Variants in NR3C2 observed in about 807,000 individuals in gnomAD.
NR3C2 encodes mineralocorticoid receptor.
Under a neutral mutation model 86.4 loss-of-function variants are expected in NR3C2, and 15 were observed. The ratio of observed to expected loss-of-function variants is 0.17; its 90% confidence interval spans 0.12 to 0.27. The LOEUF (loss-of-function observed/expected upper bound fraction) is 0.27, where lower values mean the gene tolerates loss of function less well. NR3C2 is among the 10% of genes least tolerant of loss of function. The pLI, the probability that NR3C2 is intolerant of heterozygous loss-of-function variation, is 1.00. For missense variants in NR3C2, 960 were observed against 1,195.6 expected (o/e 0.80, Z 2.91); for synonymous variants, 458 against 450.5 (o/e 1.02, Z -0.21).
chr4:148,411,661 CT>C (rs1198456211), intron 2 of NR3C2, among the ~76,000 whole-genome samples: 1 of 152,180 alleles, frequency 6.6e-6, no homozygotes, highest in Non-Finnish European at 1.5e-5. Flanking sequence ...ATCCTTAAAC[CT>C]TCTGGACAGT....
chr4:148,399,671 T>G (rs1197934301), intron 2 of NR3C2, among the ~76,000 whole-genome samples: 2 of 129,770 alleles, frequency 1.5e-5, no homozygotes, highest in African/African-American at 2.8e-5. Context: ...CGACAAAGTT[T>G]CTATATATAC....
intron 2 of NR3C2, among the ~76,000 whole-genome samples, chr4:148,385,324 C>T (rs1747206769): frequency 6.6e-6 from 1 of 152,232 alleles, no homozygotes; most frequent in African/African-American, 2.4e-5. Flanking sequence ...ACAAGACCTT[C>T]AAGGTCAACC....
At chr4:148,240,882 G>C (rs893436469) in intron 3 of NR3C2, among the ~76,000 whole-genome samples, 2 of 152,188 alleles carry the variant, frequency 1.3e-5, no homozygotes, top group Non-Finnish European at 2.9e-5. Flanking sequence ...TAAGTGCTGT[G>C]CCTGGCCACG....
chr4:148,201,614 T>C (rs1198934833), intron 3 of NR3C2, among the ~76,000 whole-genome samples: 1 of 151,868 alleles, frequency 6.6e-6, no homozygotes, highest in Non-Finnish European at 1.5e-5. Flanking sequence ...CTATAGACAG[T>C]AGTCAGCATG....
chr4:148,118,367 T>G (rs1177535719), intron 7 of NR3C2, among the ~76,000 whole-genome samples: 1 of 152,138 alleles, frequency 6.6e-6, no homozygotes. Context: ...GTTAGTCACA[T>G]GCCTTTTGAA....
intron 4 of NR3C2, among the ~76,000 whole-genome samples, chr4:148,186,769 A>C (rs1735915690): frequency 2.2e-5 from 3 of 138,478 alleles, no homozygotes; most frequent in South Asian, 2.4e-4. Context: ...CCCCCCTCCC[A>C]CTCTTCCCCC....
chr4:148,361,828 T>TTTGTGGTTGTTG (rs2150004346), intron 2 of NR3C2, among the ~76,000 whole-genome samples: 2 of 151,998 alleles, frequency 1.3e-5, no homozygotes, highest in African/African-American at 4.8e-5. Context: ...ACCCTAAAGT[T>TTTGTGGTTGTTG]TTGTTGTTAT....
intron 7 of NR3C2, among the ~76,000 whole-genome samples, chr4:148,115,844 C>T (rs1396910545): frequency 6.6e-6 from 1 of 152,082 alleles, no homozygotes; most frequent in Non-Finnish European, 1.5e-5. Context: ...AAATATTTGA[C>T]ATTCATATTA....
At position 148,106,903 on chromosome 4, in the gene NR3C2, A is replaced by T. The variant is rs1046949716; in HGVS notation, c.2799+7201T>A. 2.0e-5 allele frequency among the ~76,000 whole-genome samples: 3 copies of T among 152,332 alleles called. No individual in the cohort carries two copies. In the South Asian group the frequency reaches 6.2e-4, roughly 32 times the overall value. On this transcript the variant is annotated intron_variant, in intron 8 of 8. Coordinates refer to ENST00000358102, the MANE Select transcript of NR3C2 (RefSeq NM_000901.5). ...TAAACGTAAAACCTAAAACCATAAA[A>T]ACCCTAGAAGAAAACCTAGGCAATA...
chr4:148,108,652 A>T (rs1731912317), intron 8 of NR3C2, among the ~76,000 whole-genome samples: 1 of 152,118 alleles, frequency 6.6e-6, no homozygotes, highest in Non-Finnish European at 1.5e-5. Flanking sequence ...TGTCGTGCAG[A>T]GAAGAGCATC....
chr4:148,259,896 A>G (rs1466391574), intron 3 of NR3C2, 82 bp downstream of exon 3: 19 of 1,522,224 alleles, frequency 1.2e-5, no homozygotes, highest in Non-Finnish European at 1.7e-5. Context: ...AAGAATTCCC[A>G]ATAATGCTAT....
intron 2 of NR3C2, among the ~76,000 whole-genome samples, chr4:148,430,551 T>C (rs575685198): frequency 2.0e-5 from 3 of 152,148 alleles, no homozygotes; most frequent in Non-Finnish European, 4.4e-5. Context: ...CTAGGTACAT[T>C]AGCAATTTCA....
At chr4:148,353,239 A>G (rs1745385625) in intron 2 of NR3C2, among the ~76,000 whole-genome samples, 1 of 152,094 alleles carries the variant, frequency 6.6e-6, no homozygotes. Flanking sequence ...AAAACCCTAC[A>G]GTTAAATTAA....
intron 2 of NR3C2, among the ~76,000 whole-genome samples, chr4:148,269,970 T>G (rs1247695416): frequency 1.3e-5 from 2 of 152,286 alleles, no homozygotes; most frequent in Non-Finnish European, 2.9e-5. Flanking sequence ...TACATTAAGA[T>G]ACAGACTTAG....
chr4:148,426,739 CA>C (rs777261460), intron 2 of NR3C2, among the ~76,000 whole-genome samples: 6 of 152,122 alleles, frequency 3.9e-5, no homozygotes, highest in Non-Finnish European at 1.5e-5. Flanking sequence ...CTTTTAACAG[CA>C]AAAACCACAA....
chr4:148,241,810 T>C (rs888907835), intron 3 of NR3C2, among the ~76,000 whole-genome samples: 8 of 152,222 alleles, frequency 5.3e-5, no homozygotes, highest in Admixed American at 2.0e-4. Flanking sequence ...TTCATGATTA[T>C]GTGAATAAAT....
chr4:148,147,886 C>G (rs1303251821), intron 6 of NR3C2, among the ~76,000 whole-genome samples: 1 of 152,196 alleles, frequency 6.6e-6, no homozygotes, highest in Non-Finnish European at 1.5e-5. Flanking sequence ...TCACACCTCA[C>G]TGGGATCACA....
At chr4:148,161,609 G>A (rs1032941770) in intron 4 of NR3C2, among the ~76,000 whole-genome samples, 1 of 152,048 alleles carries the variant, frequency 6.6e-6, no homozygotes, top group Admixed American at 6.6e-5. Context: ...GTCTGCCTTG[G>A]CCTCATATAT....
chr4:148,276,916 G>C (rs1740989226), intron 2 of NR3C2, among the ~76,000 whole-genome samples: 1 of 152,166 alleles, frequency 6.6e-6, no homozygotes, highest in African/African-American at 2.4e-5. Context: ...ATTGACAGCT[G>C]TCTTTTACTC....
Sources: allele counts gnomAD v4.1 joint callset (sites outside exome capture counted in the v4.1 genomes callset), GRCh38; gene constraint gnomAD v4.1.1; transcripts MANE v1.5; gene names NCBI Gene and HGNC (gene_info 2026-07-23, HGNC 2026-07-21).